Variants in DNAH3 observed in about 807,000 individuals in gnomAD.
DNAH3 encodes the protein dynein axonemal heavy chain 3, also known as axonemal beta dynein heavy chain 3.
In DNAH3, 332 loss-of-function variants were observed where a neutral mutation model predicts 432.5. The ratio of observed to expected loss-of-function variants is 0.77; its 90% CI spans 0.70 to 0.84. DNAH3 has a LOEUF of 0.84. Ranked by LOEUF, DNAH3 falls within the 40% of genes least tolerant of loss-of-function variation. DNAH3 has a pLI of 0.00. For missense variants in DNAH3, 4,861 were observed against 5,114.0 expected, an observed-to-expected ratio of 0.95 and a Z score of 1.51; for synonymous variants, 1,956 against 1,900.2, an observed-to-expected ratio of 1.03 and a Z score of -0.76.
chr16:20,980,085 A>G (rs112016591), intron 49 of DNAH3, among the ~76,000 whole-genome samples: 1 of 150,826 alleles, frequency 6.6e-6, no homozygotes, highest in African/African-American at 2.4e-5. Flanking sequence ...TCTATCACTG[A>G]TCCCTTTGAT....
chr16:21,151,510 A>G lies in DNAH3; in HGVS notation c.118-5422T>C, dbSNP rs187670769. 3.6e-3 allele frequency among the ~76,000 whole-genome samples: 540 copies of G among 151,940 alleles called. 3 individuals are homozygous for G. The highest frequency in any genetic ancestry group is 5.8e-3 in the Non-Finnish European group (391 of 67,948). On this transcript the variant is annotated intron_variant, in intron 1 of 61. Transcript: ENST00000261383. ...ACGGGGTTTCACCGTGTTAGCCAGG[A>G]TGGTCTCAATCTCCTGACCTCGTGA...
rs1173705826 is a variant in DNAH3 at position 21,067,763 on chromosome 16, G to T, written c.3382-344C>A. ...TGATAGAGAAAGCCAGTCTTGGGGGGGGGGGTGGGGAGGGAGAGAGAGAGA... is the reference window on the plus strand; with the variant it reads ...TGATAGAGAAAGCCAGTCTTGGGGGTGGGGGTGGGGAGGGAGAGAGAGAGA... On this transcript the variant is annotated intron_variant, in intron 23 of 61. Coordinates refer to ENST00000261383, the Ensembl canonical transcript of DNAH3. Among the ~76,000 whole-genome samples, 7 of 85,780 alleles carry T rather than the reference G, an allele frequency of 8.2e-5. 1 individual carries two copies. The highest frequency in any genetic ancestry group is 1.2e-4 in the Non-Finnish European group (5 of 41,438). 56.3% of individuals were successfully genotyped at this position (85,780 alleles called of 152,430 possible). A position where few individuals can be genotyped will look rare whatever the true frequency, so the allele number is the denominator to read the frequency against.
At chr16:20,946,828 T>TC (rs1479164171) in intron 57 of DNAH3, among the ~76,000 whole-genome samples, 1 of 140,940 alleles carries the variant, frequency 7.1e-6, no homozygotes, top group Non-Finnish European at 1.5e-5. Context: ...CCTTTTTTTT[T>TC]TTTTTTTTTT....
rs570641794 is a variant in DNAH3, at chr16:21,031,722, G to A, written c.5198-436C>T. Among the ~76,000 whole-genome samples the A allele has an allele frequency of 2.5e-4, 38 of 152,216 alleles. 1 individual carries two copies. The South Asian group carries it at 7.9e-3, about 32-fold the overall frequency. On this transcript the variant is annotated intron_variant, in intron 36 of 61. Transcript: ENST00000261383. Reference sequence around the variant, plus strand: ...AATCCTCTTTTCAAATAGGGCAAATGTGCCAGTCAGATCCAGGACTACTTG... The same window carrying A: ...AATCCTCTTTTCAAATAGGGCAAATATGCCAGTCAGATCCAGGACTACTTG...
chr16:21,058,303 T>C, intron 26 of DNAH3, 107 bp from the exon 27 acceptor site: 1 of 616,318 alleles, frequency 1.6e-6, no homozygotes, highest in Non-Finnish European at 3.0e-6. Flanking sequence ...AAACAAAATC[T>C]TCCCCCATCC....
In DNAH3 at chr16:21,020,022, ATT is replaced by A. The variant is rs140295740; in HGVS notation, c.5777-155_5777-154del. ...TCACCTACCAGATCATTTCACATGC[ATT>A]TTTTTTTTTTTTTTGAAACAGGGTC... On this transcript the variant is annotated intron_variant, in intron 40 of 61. Coordinates refer to ENST00000261383, the Ensembl canonical transcript of DNAH3. Among the ~76,000 whole-genome samples, 128 of 138,446 alleles carry A rather than the reference ATT, an allele frequency of 9.2e-4. 1 individual carries two copies. Among genetic ancestry groups the A allele is most frequent in the Middle Eastern group, 3.8e-3 (1 of 264 alleles). 90.8% of individuals were successfully genotyped at this position (138,446 alleles called of 152,430 possible).
intron 3 of DNAH3, among the ~76,000 whole-genome samples, chr16:21,141,896 A>C (rs1011475545): frequency 2.0e-5 from 3 of 151,790 alleles, no homozygotes; most frequent in Non-Finnish European, 4.4e-5. Flanking sequence ...ACTGAAAAAT[A>C]CAAAAATTAG....
intron 56 of DNAH3, among the ~76,000 whole-genome samples, chr16:20,949,549 G>A (rs1195930558): frequency 1.4e-4 from 21 of 152,142 alleles, no homozygotes; most frequent in Non-Finnish European, 1.5e-5. Flanking sequence ...ATGGGGTTCG[G>A]TAAAATCCGC....
At chr16:20,997,184 G>T in intron 44 of DNAH3, 99 bp downstream of exon 44, 2 of 1,241,616 alleles carry the variant, frequency 1.6e-6, no homozygotes, top group Non-Finnish European at 2.3e-6. Flanking sequence ...CACGTGGTTT[G>T]GCAGGACAGA....
chr16:20,987,994 T>G lies in DNAH3; in HGVS notation c.6673A>C (p.Ser2225Arg). 1 of 1,614,138 alleles carries G rather than the reference T, an allele frequency of 6.2e-7. No individual in the cohort carries two copies. The highest frequency in any genetic ancestry group is 8.5e-7 in the Non-Finnish European group (1 of 1,180,018). ...CCGAAGTGCCAGTCAACAATCGAAC[T>G]GAAAATCTTGGTTAAAATGTCATCC... Residue 2225 changes from serine (S) to arginine (R), a missense_variant, in exon 45 of 62, where the codon AGT (serine) becomes CGT (arginine). By Grantham distance (110) the Ser-to-Arg change is moderately radical (BLOSUM62 -1). Transcript: ENST00000261383.
chr16:21,108,269 C>T (rs1256202635), intron 14 of DNAH3, among the ~76,000 whole-genome samples: 1 of 152,166 alleles, frequency 6.6e-6, no homozygotes, highest in South Asian at 2.1e-4. Flanking sequence ...CTTAGATATT[C>T]CTGGGTTCAG....
At chr16:21,043,085 G>T (rs1216794144) in intron 31 of DNAH3, among the ~76,000 whole-genome samples, 2 of 152,002 alleles carry the variant, frequency 1.3e-5, no homozygotes, top group Admixed American at 6.5e-5. Context: ...TGGACATTTG[G>T]GTTGGTTCCA....
intron 41 of DNAH3, among the ~76,000 whole-genome samples, chr16:21,012,802 C>T (rs1030254251): frequency 1.3e-5 from 2 of 152,038 alleles, no homozygotes; most frequent in Non-Finnish European, 2.9e-5. Context: ...TACTCTGTCA[C>T]CCAGGCTGGA....
At chr16:21,033,916 G>A (rs1345783182) in intron 36 of DNAH3, 58 bp downstream of exon 36, 1 of 1,259,034 alleles carries the variant, frequency 7.9e-7, no homozygotes, top group Non-Finnish European at 1.2e-6. Context: ...TCTCCATGGA[G>A]CCAGCCAACT....
intron 10 of DNAH3, chr16:21,120,962 C>T (rs1426083894): frequency 4.8e-6 from 4 of 831,696 alleles, no homozygotes; most frequent in African/African-American, 3.4e-5. Context: ...TCCCACACAC[C>T]CAGTTTTAAT....
chr16:21,032,240 A>G (rs754592984), intron 36 of DNAH3, among the ~76,000 whole-genome samples: 11 of 152,170 alleles, frequency 7.2e-5, no homozygotes, highest in Non-Finnish European at 1.3e-4. Flanking sequence ...ATTTGAAATG[A>G]GGAAACGGGA....
intron 32 of DNAH3, among the ~76,000 whole-genome samples, chr16:21,041,102 G>T (rs1050152927): frequency 1.7e-4 from 26 of 152,158 alleles, no homozygotes; most frequent in African/African-American, 6.0e-4. Flanking sequence ...TGGGACTGGT[G>T]GCTCACACCT....
intron 24 of DNAH3, 137 bp from the exon 25 acceptor site, chr16:21,062,820 CTT>C: frequency 1.5e-6 from 1 of 648,072 alleles, no homozygotes; most frequent in Non-Finnish European, 2.6e-6. Flanking sequence ...GGCCCACTCT[CTT>C]TTATCACTTT....
intron 27 of DNAH3, among the ~76,000 whole-genome samples, chr16:21,055,164 G>T (rs183231306): frequency 1.3e-5 from 2 of 151,902 alleles, no homozygotes; most frequent in East Asian, 3.9e-4. Context: ...TTGAGACAGA[G>T]CCTGACTCAG....
Sources: gnomAD v4.1 joint callset for allele counts (sites outside exome capture counted in the v4.1 genomes callset) on GRCh38, gnomAD v4.1.1 for gene constraint, MANE v1.5 for transcripts, NCBI Gene and HGNC (gene_info 2026-07-23, HGNC 2026-07-21) for gene names.